Variants in ZMIZ1 observed in about 807,000 individuals in gnomAD.
The protein encoded by ZMIZ1 is zinc finger MIZ-type containing 1.
A neutral mutation model predicts 113.9 loss-of-function variants in ZMIZ1; 17 were observed. The ratio of observed to expected loss-of-function variants is 0.15; its 90% CI spans 0.10 to 0.22. The LOEUF is 0.22. Among genes scored for constraint, ZMIZ1 ranks in the 10% least tolerant of loss-of-function variants. ZMIZ1 has a pLI of 1.00. For missense variants in ZMIZ1, 1,059 were observed against 1,477.8 expected, an observed-to-expected ratio of 0.72 and a Z score of 4.65; for synonymous variants, 607 against 603.1, an observed-to-expected ratio of 1.01 and a Z score of -0.09.
chr10:79,159,286 G>A (rs1846016138), intron 3 of ZMIZ1, among the ~76,000 whole-genome samples: 1 of 152,224 alleles, frequency 6.6e-6, no homozygotes, highest in Admixed American at 6.5e-5. Flanking sequence ...GAACTCCCCA[G>A]GAGGCCAAGC....
At chr10:79,303,584 A>G (rs1854481530) in intron 18 of ZMIZ1, among the ~76,000 whole-genome samples, 1 of 151,836 alleles carries the variant, frequency 6.6e-6, no homozygotes, top group Non-Finnish European at 1.5e-5. Flanking sequence ...TGCTGCCCTG[A>G]GTCCTGGGAT....
At chr10:79,175,851 C>CT (rs1267367667) in intron 4 of ZMIZ1, among the ~76,000 whole-genome samples, 1 of 152,026 alleles carries the variant, frequency 6.6e-6, no homozygotes, top group Non-Finnish European at 1.5e-5. Context: ...GCCCACAGGA[C>CT]TCCTGGGAGC....
At chr10:79,302,700 TTTTTTGA>T (rs1488394633) in intron 18 of ZMIZ1, among the ~76,000 whole-genome samples, 9 of 133,600 alleles carry the variant, frequency 6.7e-5, no homozygotes, top group African/African-American at 2.5e-4. Context: ...TTTTTTTTTT[TTTTTTGA>T]GAGAGAGAGA....
Position 79,081,722 on chromosome 10 carries a change from C to G in ZMIZ1, c.-337+12452C>G, listed in dbSNP as rs73294100. 4.2e-3 allele frequency among the ~76,000 whole-genome samples: 638 copies of G among 152,342 alleles called. 3 individuals are homozygous for G. Among genetic ancestry groups the G allele is most frequent in the African/African-American group, 0.015 (604 of 41,584 alleles). On this transcript the variant is annotated intron_variant, in intron 1 of 24. Transcript: ENST00000334512. The stretch of plus-strand genomic sequence containing the variant: ...CTAAGTGTCTACAGGCCCCTGAGAC[C>G]TGGGCTCTGTGCAAGGAGCGCTGGA...
chr10:79,228,520 G>T (rs1049515916), intron 7 of ZMIZ1, among the ~76,000 whole-genome samples: 12 of 152,242 alleles, frequency 7.9e-5, no homozygotes, highest in African/African-American at 2.9e-4. Flanking sequence ...TGTGCCTCTT[G>T]CCTGTTCCCA....
chr10:79,217,293 C>A (rs548030268), intron 7 of ZMIZ1, among the ~76,000 whole-genome samples: 5 of 152,216 alleles, frequency 3.3e-5, no homozygotes, highest in East Asian at 3.9e-4. Flanking sequence ...GGTGTGGTGG[C>A]GGGCGCCTGT....
intron 7 of ZMIZ1, among the ~76,000 whole-genome samples, chr10:79,275,180 T>C (rs1043364286): frequency 6.6e-6 from 1 of 152,232 alleles, no homozygotes; most frequent in African/African-American, 2.4e-5. Flanking sequence ...CCGAATAGGC[T>C]GCCTTTCCAG....
intron 4 of ZMIZ1, among the ~76,000 whole-genome samples, chr10:79,187,241 G>A (rs1564706591): frequency 6.6e-6 from 1 of 152,360 alleles, no homozygotes; most frequent in Admixed American, 6.5e-5. Flanking sequence ...TCTGAGCGCT[G>A]TAGTCACACC....
chr10:79,174,835 T>C (rs913352415), intron 4 of ZMIZ1, among the ~76,000 whole-genome samples: 1 of 152,136 alleles, frequency 6.6e-6, no homozygotes, highest in Non-Finnish European at 1.5e-5. Flanking sequence ...CCACCCCCTT[T>C]GGATGGGAGA....
chr10:79,102,144 C>T (rs1421701105), intron 1 of ZMIZ1, among the ~76,000 whole-genome samples: 1 of 152,218 alleles, frequency 6.6e-6, no homozygotes, highest in Admixed American at 6.5e-5. Context: ...CACCTCCCTC[C>T]ACCTACAAAC....
intron 4 of ZMIZ1, among the ~76,000 whole-genome samples, chr10:79,176,265 C>T (rs973426207): frequency 3.3e-5 from 5 of 152,234 alleles, no homozygotes; most frequent in Admixed American, 1.3e-4. Context: ...GTGGAGCCCC[C>T]TCCAGCCACC....
intron 6 of ZMIZ1, among the ~76,000 whole-genome samples, chr10:79,209,681 G>A (rs1157113527): frequency 3.3e-5 from 5 of 152,262 alleles, no homozygotes; most frequent in Non-Finnish European, 5.9e-5. Context: ...TCGTGACAAA[G>A]CATCTGTTCT....
rs1259473593 is a variant in ZMIZ1 at position 79,170,898 on chromosome 10, G to A, written c.-50+8765G>A. Among the ~76,000 whole-genome samples, 4 of 152,202 alleles carry A rather than the reference G, an allele frequency of 2.6e-5. No homozygotes were observed. In the Middle Eastern group the frequency reaches 0.01, roughly 388 times the overall value. ...TGGTCCATCTAGGATGGGCAGCCCC[G>A]CCAGGCTTAAGCCCTCAACTTAAGC... On this transcript the variant is annotated intron_variant, in intron 4 of 24. Coordinates refer to ENST00000334512, the MANE Select transcript of ZMIZ1 (RefSeq NM_020338.4).
chr10:79,194,060 A>G lies in ZMIZ1; in HGVS notation c.-49-7524A>G, dbSNP rs890645161. ...CTTTCCCTTCTGGCTGTGTCTTGGA[A>G]CGCAGCCTCTGCTCGCGGGCTGTAG... is the stretch of plus-strand genomic sequence containing the variant. On this transcript the variant is annotated intron_variant, in intron 4 of 24. Coordinates refer to ENST00000334512, the MANE Select transcript of ZMIZ1 (RefSeq NM_020338.4). Among the ~76,000 whole-genome samples, 4 of 152,170 alleles carry G rather than the reference A, an allele frequency of 2.6e-5. No individual in the cohort carries two copies. In the East Asian group the frequency reaches 7.7e-4, roughly 29 times the overall value.
In ZMIZ1 at chr10:79,300,799, G is replaced by T. The variant is rs541477708; in HGVS notation, c.1876G>T (p.Ala626Ser). 1.4e-5 allele frequency: 23 copies of T among 1,613,820 alleles called. No homozygotes were observed. In the South Asian group the frequency reaches 1.9e-4, roughly 13 times the overall value. Residue 626 changes from alanine to serine, a missense_variant, in exon 17 of 25, where the codon GCC (alanine) becomes TCC (serine). Ala to Ser is a moderately conservative substitution (Grantham distance 99). Around this residue, in one of 6 missense-constraint regions of ZMIZ1, gnomAD observed 217 missense variants for 426.9 expected, o/e 0.51. Coordinates refer to ENST00000334512, the MANE Select transcript of ZMIZ1 (RefSeq NM_020338.4). Reference sequence around the variant, plus strand: ...CCGGCAGATGAACACCAACTGGCCCGCCTCGGTGCAGGTCAGCGTGAACGC... The same window carrying T: ...CCGGCAGATGAACACCAACTGGCCCTCCTCGGTGCAGGTCAGCGTGAACGC... ...EDRQMNTNWP[A>S]SVQVSVNATP...
intron 1 of ZMIZ1, among the ~76,000 whole-genome samples, chr10:79,084,841 AG>A (rs955664042): frequency 4.2e-4 from 46 of 108,710 alleles, no homozygotes; most frequent in African/African-American, 1.7e-3. Flanking sequence ...AGGCACAAAG[AG>A]GGAAGTCCTG....
At chr10:79,192,379 C>T (rs963058896) in intron 4 of ZMIZ1, among the ~76,000 whole-genome samples, 2 of 152,372 alleles carry the variant, frequency 1.3e-5, no homozygotes, top group South Asian at 4.1e-4. Flanking sequence ...GAAGCCCCCA[C>T]TCTGAAATGC....
At chr10:79,302,851 G>A (rs1250547) in intron 18 of ZMIZ1, among the ~76,000 whole-genome samples, 45,041 of 133,394 alleles carry the variant, frequency 0.34, 8,628 homozygotes, top group East Asian at 0.45. Flanking sequence ...ATGCCACCAC[G>A]CCCAGCTAAG....
At chr10:79,121,617 C>T (rs1336886986) in intron 2 of ZMIZ1, among the ~76,000 whole-genome samples, 1 of 152,180 alleles carries the variant, frequency 6.6e-6, no homozygotes, top group Non-Finnish European at 1.5e-5. Flanking sequence ...GAGTCCTAGG[C>T]CTTTGGAGAG....
Sources: allele counts gnomAD v4.1 joint callset (sites outside exome capture counted in the v4.1 genomes callset), GRCh38; gene constraint gnomAD v4.1.1; regional missense constraint gnomAD v4.1.1; transcripts MANE v1.5; gene names NCBI Gene and HGNC (gene_info 2026-07-23, HGNC 2026-07-21).